TMEM132C: variants seen among roughly 807,000 people sequenced by gnomAD.
TMEM132C encodes protein phosphatase 1, regulatory subunit 152.
A neutral mutation model predicts 61.4 loss-of-function variants in TMEM132C; 29 were observed. That is an observed-to-expected ratio of 0.47 (90% CI 0.35 to 0.64). The LOEUF is 0.64. TMEM132C is among the 30% of genes least tolerant of loss of function. TMEM132C has a pLI of 0.00. For synonymous variants in TMEM132C, 656 were observed against 633.1 expected, an observed-to-expected ratio of 1.04 and a Z score of -0.54; for missense variants, 1,408 against 1,476.9, an observed-to-expected ratio of 0.95 and a Z score of 0.76.
intron 1 of TMEM132C, among the ~76,000 whole-genome samples, chr12:128,279,634 G>T (rs1334576740): frequency 6.6e-6 from 1 of 152,178 alleles, no homozygotes; most frequent in Non-Finnish European, 1.5e-5. Flanking sequence ...CAGGGCCTTT[G>T]CACATGCCTA....
chr12:128,641,800 G>A (rs1290843061), intron 4 of TMEM132C, among the ~76,000 whole-genome samples: 1 of 152,052 alleles, frequency 6.6e-6, no homozygotes, highest in African/African-American at 2.4e-5. Context: ...TATTTTTTAA[G>A]TTTTTATTTT....
chr12:128,568,900 A>G (rs914520399), intron 3 of TMEM132C, among the ~76,000 whole-genome samples: 5 of 152,152 alleles, frequency 3.3e-5, no homozygotes, highest in African/African-American at 9.7e-5. Flanking sequence ...TTCTTTATGC[A>G]ATCTTTACTT....
intron 5 of TMEM132C, among the ~76,000 whole-genome samples, chr12:128,670,119 G>A (rs1050294482): frequency 5.9e-5 from 9 of 152,122 alleles, no homozygotes; most frequent in African/African-American, 2.2e-4. Flanking sequence ...AGACTAGCCT[G>A]GCCAACATGG....
intron 4 of TMEM132C, among the ~76,000 whole-genome samples, chr12:128,662,998 A>G (rs1350341756): frequency 2.6e-5 from 4 of 152,218 alleles, no homozygotes; most frequent in Non-Finnish European, 5.9e-5. Context: ...GTCTGAGGCC[A>G]CGCGGGAGCC....
chr12:128,662,619 C>T (rs995854698), intron 4 of TMEM132C, among the ~76,000 whole-genome samples: 6 of 152,218 alleles, frequency 3.9e-5, no homozygotes, highest in African/African-American at 1.4e-4. Context: ...CACTCAGCTC[C>T]ATGCCTCAGT....
intron 1 of TMEM132C, among the ~76,000 whole-genome samples, chr12:128,294,700 C>T (rs1871348530): frequency 6.6e-6 from 1 of 152,064 alleles, no homozygotes; most frequent in Non-Finnish European, 1.5e-5. Context: ...CTCCCTATGT[C>T]CTCTCACAGT....
At chr12:128,424,185 T>C (rs1194308752) in intron 2 of TMEM132C, among the ~76,000 whole-genome samples, 2 of 152,024 alleles carry the variant, frequency 1.3e-5, no homozygotes, top group African/African-American at 4.8e-5. Context: ...GGAACATACC[T>C]GTTCTAATAG....
intron 2 of TMEM132C, among the ~76,000 whole-genome samples, chr12:128,507,161 A>G (rs1872390774): frequency 6.6e-6 from 1 of 152,010 alleles, no homozygotes; most frequent in South Asian, 2.1e-4. Flanking sequence ...GCTGCTTACA[A>G]CCAAAAAATC....
chr12:128,308,402 G>C (rs1479801379), intron 1 of TMEM132C, among the ~76,000 whole-genome samples: 1 of 150,994 alleles, frequency 6.6e-6, no homozygotes, highest in Non-Finnish European at 1.5e-5. Context: ...TGCATTTCTT[G>C]TTCCACATTC....
At chr12:128,301,225 T>C (rs1279424493) in intron 1 of TMEM132C, among the ~76,000 whole-genome samples, 4 of 151,784 alleles carry the variant, frequency 2.6e-5, no homozygotes, top group Non-Finnish European at 2.9e-5. Context: ...GGAGGAAAAA[T>C]CAAATAGACA....
chr12:128,573,252 C>T (rs1370333815), intron 3 of TMEM132C, among the ~76,000 whole-genome samples: 1 of 152,100 alleles, frequency 6.6e-6, no homozygotes, highest in Non-Finnish European at 1.5e-5. Flanking sequence ...CACATATACA[C>T]CATGGAATAC....
In TMEM132C at chr12:128,478,180, T is replaced by C. The variant is rs373501733; in HGVS notation, c.974+62560T>C. Among the ~76,000 whole-genome samples, 197 of 152,312 alleles carry C rather than the reference T, an allele frequency of 1.3e-3. 4 individuals are homozygous for C. In the South Asian group the frequency reaches 0.04, roughly 31 times the overall value. On this transcript the variant is annotated intron_variant, in intron 2 of 8. Transcript: ENST00000435159. The stretch of plus-strand genomic sequence containing the variant: ...AATGCATCATTTCCTTTAAAGCCCA[T>C]ACCACATGCAGATAGACGCGTAATG...
intron 3 of TMEM132C, among the ~76,000 whole-genome samples, chr12:128,583,406 A>C (rs5801804): frequency 6.7e-6 from 1 of 149,802 alleles, no homozygotes; most frequent in Admixed American, 6.7e-5. Context: ...AAAAAAAAAA[A>C]GCTTTACAAA....
chr12:128,589,201 G>A (rs551867685), intron 3 of TMEM132C, among the ~76,000 whole-genome samples: 5 of 152,256 alleles, frequency 3.3e-5, no homozygotes, highest in Admixed American at 6.5e-5. Flanking sequence ...TGCAGGACAC[G>A]AAGGCAAGGC....
At chr12:128,525,335 T>TCC (rs1593085906) in intron 2 of TMEM132C, among the ~76,000 whole-genome samples, 1 of 147,844 alleles carries the variant, frequency 6.8e-6, no homozygotes, top group East Asian at 2.0e-4. Context: ...TCTCTCTCTC[T>TCC]CTCTCTCTTT....
intron 2 of TMEM132C, among the ~76,000 whole-genome samples, chr12:128,513,556 T>G (rs1872631857): frequency 6.6e-6 from 1 of 152,138 alleles, no homozygotes. Context: ...TTTTACTTAG[T>G]TAACAAGCAG....
chr12:128,543,060 T>C (rs59292169), intron 2 of TMEM132C, among the ~76,000 whole-genome samples: 55,636 of 151,746 alleles, frequency 0.37, 11,657 homozygotes, highest in Non-Finnish European at 0.46. Flanking sequence ...GAAAGTGAAA[T>C]TGAGGCTGGC....
At chr12:128,515,537 G>C (rs1301449822) in intron 2 of TMEM132C, among the ~76,000 whole-genome samples, 1 of 152,186 alleles carries the variant, frequency 6.6e-6, no homozygotes, top group Non-Finnish European at 1.5e-5. Context: ...TTTATTTGCA[G>C]TTGAAAGTAT....
intron 3 of TMEM132C, among the ~76,000 whole-genome samples, chr12:128,544,306 G>T (rs1873873449): frequency 6.6e-6 from 1 of 152,262 alleles, no homozygotes; most frequent in Non-Finnish European, 1.5e-5. Flanking sequence ...TCGCTCTGCA[G>T]CGCTGCGGGG....
Sources: allele counts gnomAD v4.1 joint callset (sites outside exome capture counted in the v4.1 genomes callset), GRCh38; gene constraint gnomAD v4.1.1; transcripts MANE v1.5; gene names NCBI Gene and HGNC (gene_info 2026-07-23, HGNC 2026-07-21).